MDFIC2: variants seen among roughly 807,000 people sequenced by gnomAD.
MDFIC2 encodes MyoD family inhibitor domain containing 2, also known as myoD family inhibitor domain-containing protein 2.
chr3:70,248,764 A>G (rs977085510), intron 2 of MDFIC2, among the ~76,000 whole-genome samples: 6 of 152,168 alleles, frequency 3.9e-5, no homozygotes, highest in Non-Finnish European at 5.9e-5. Flanking sequence ...ATATTGGAAA[A>G]TGGTGATTAA....
At chr3:70,245,472 G>A (rs1345183277) in intron 2 of MDFIC2, among the ~76,000 whole-genome samples, 2 of 151,286 alleles carry the variant, frequency 1.3e-5, no homozygotes, top group Non-Finnish European at 3.0e-5. Flanking sequence ...GCATATGGTC[G>A]ATGGCCTCTT....
chr3:70,294,137 G>A lies in MDFIC2; in HGVS notation c.88+17749C>T, dbSNP rs112177155. Reference sequence around the variant, plus strand: ...TCTCAGTGTTTTAGAAATGTCAGTTGTTCAAAATAATACTACCCTAGCATT... The same window carrying A: ...TCTCAGTGTTTTAGAAATGTCAGTTATTCAAAATAATACTACCCTAGCATT... On this transcript the variant is annotated intron_variant, in intron 2 of 3. Transcript: ENST00000567252. 1.6e-4 allele frequency among the ~76,000 whole-genome samples: 25 copies of A among 152,212 alleles called. 1 individual carries two copies. The highest frequency in any genetic ancestry group is 5.5e-4 in the African/African-American group (23 of 41,542).
At chr3:70,217,948 G>A (rs1701430674) in intron 2 of MDFIC2, among the ~76,000 whole-genome samples, 1 of 152,106 alleles carries the variant, frequency 6.6e-6, no homozygotes, top group Non-Finnish European at 1.5e-5. Flanking sequence ...TGTATACAGA[G>A]GCCTTGGAGA....
chr3:70,272,097 C>A (rs1245579679), intron 2 of MDFIC2: 3 of 152,144 alleles, frequency 2.0e-5, no homozygotes, highest in Admixed American at 6.6e-5. Context: ...TAACAACAAT[C>A]CCCAAATATC....
intron 2 of MDFIC2, among the ~76,000 whole-genome samples, chr3:70,234,733 G>T (rs1701591677): frequency 6.6e-6 from 1 of 151,692 alleles, no homozygotes; most frequent in Admixed American, 6.6e-5. Context: ...TGAAATCTTT[G>T]TGATCTACTC....
intron 2 of MDFIC2, 23 bp from the exon 3 acceptor site, chr3:70,206,813 C>T: frequency 2.5e-6 from 1 of 397,246 alleles, no homozygotes; most frequent in South Asian, 1.3e-4. Flanking sequence ...AGAAAAAACA[C>T]ATACAGAAAC....
At chr3:70,233,294 T>A (rs900617780) in intron 2 of MDFIC2, among the ~76,000 whole-genome samples, 1 of 152,034 alleles carries the variant, frequency 6.6e-6, no homozygotes, top group African/African-American at 2.4e-5. Flanking sequence ...GCCCTGGTGA[T>A]GTTTGAGGGA....
intron 2 of MDFIC2, among the ~76,000 whole-genome samples, chr3:70,236,802 C>A (rs1701614468): frequency 6.6e-6 from 1 of 152,080 alleles, no homozygotes; most frequent in Non-Finnish European, 1.5e-5. Context: ...TTGTATGTTG[C>A]CCAGGCTGGT....
At chr3:70,237,371 T>C (rs1701620023) in intron 2 of MDFIC2, among the ~76,000 whole-genome samples, 1 of 152,190 alleles carries the variant, frequency 6.6e-6, no homozygotes. Context: ...ATATGTGTGA[T>C]CTTTTAACCA....
intron 2 of MDFIC2, among the ~76,000 whole-genome samples, chr3:70,216,523 G>A (rs1435303129): frequency 6.6e-6 from 1 of 152,040 alleles, no homozygotes; most frequent in African/African-American, 2.4e-5. Flanking sequence ...AAGTGATGGA[G>A]CTAGAATTTT....
intron 2 of MDFIC2, among the ~76,000 whole-genome samples, chr3:70,250,944 A>C (rs1701759492): frequency 6.6e-6 from 1 of 152,236 alleles, no homozygotes; most frequent in African/African-American, 2.4e-5. Context: ...ATCTATTTAG[A>C]GAAAGACAAA....
At chr3:70,304,898 C>T (rs1021471113) in intron 2 of MDFIC2, among the ~76,000 whole-genome samples, 1 of 152,040 alleles carries the variant, frequency 6.6e-6, no homozygotes, top group Non-Finnish European at 1.5e-5. Flanking sequence ...TCCCCTTTTT[C>T]GTCATTCCCT....
At chr3:70,286,461 G>A (rs1229115602) in intron 2 of MDFIC2, among the ~76,000 whole-genome samples, 1 of 151,714 alleles carries the variant, frequency 6.6e-6, no homozygotes. Flanking sequence ...GGTTACTGTA[G>A]CCTTGTAGTA....
intron 2 of MDFIC2, among the ~76,000 whole-genome samples, chr3:70,280,007 C>A (rs552827821): frequency 4.6e-5 from 7 of 152,268 alleles, no homozygotes; most frequent in African/African-American, 1.7e-4. Context: ...AAAACTCTCC[C>A]AGTTCTTGAG....
chr3:70,275,160 T>C (rs549624317), intron 2 of MDFIC2, among the ~76,000 whole-genome samples: 106 of 152,256 alleles, frequency 7.0e-4, no homozygotes, highest in African/African-American at 2.5e-3. Context: ...TTTTAACTTA[T>C]AAAAAAGTTA....
chr3:70,254,643 C>T lies in MDFIC2; in HGVS notation c.89-47853G>A, dbSNP rs560486436. Among the ~76,000 whole-genome samples the T allele has an allele frequency of 2.6e-5, 4 of 152,184 alleles. No homozygotes were observed. In the South Asian group the frequency reaches 8.3e-4, roughly 32 times the overall value. ...TTTTCCACTATGAAATCAGGGACTACCTAGAAGTTTACTATTTAAGTTTAT... is the reference window on the plus strand; with the variant it reads ...TTTTCCACTATGAAATCAGGGACTATCTAGAAGTTTACTATTTAAGTTTAT... On this transcript the variant is annotated intron_variant, in intron 2 of 3. Transcript: ENST00000567252.
intron 2 of MDFIC2, among the ~76,000 whole-genome samples, chr3:70,282,997 C>G (rs1324290018): frequency 6.6e-6 from 1 of 152,096 alleles, no homozygotes; most frequent in Non-Finnish European, 1.5e-5. Flanking sequence ...AAAAATGGAG[C>G]AGGAGACTGA....
At chr3:70,246,742 A>G (rs6549303) in intron 2 of MDFIC2, among the ~76,000 whole-genome samples, 148,910 of 152,064 alleles carry the variant, frequency 0.98, 72,983 homozygotes, top group East Asian at 1. Context: ...CGAAAGCAAG[A>G]CTTTGTGTAT....
intron 2 of MDFIC2, among the ~76,000 whole-genome samples, chr3:70,216,471 C>T (rs368859394): frequency 1.5e-4 from 23 of 151,906 alleles, no homozygotes; most frequent in South Asian, 4.1e-4. Context: ...ACACAGAAAA[C>T]GCGGGGATAT....
Sources: gnomAD v4.1 joint callset for allele counts (sites outside exome capture counted in the v4.1 genomes callset) on GRCh38, gnomAD v4.1.1 for gene constraint, MANE v1.5 for transcripts, NCBI Gene and HGNC (gene_info 2026-07-23, HGNC 2026-07-21) for gene names.